PHF14: variants seen among roughly 807,000 people sequenced by gnomAD.
PHF14 encodes PHD finger protein 14.
Under a neutral mutation model 117.9 loss-of-function variants are expected in PHF14, and 55 were observed. The ratio of observed to expected loss-of-function variants is 0.47; its 90% CI spans 0.38 to 0.58. PHF14 has a LOEUF of 0.58. PHF14 is among the 20% of genes least tolerant of loss of function. The pLI is 0.00. For missense variants in PHF14, 978 were observed against 1,122.2 expected, an observed-to-expected ratio of 0.87 and a Z score of 1.84; for synonymous variants, 409 against 368.6, an observed-to-expected ratio of 1.11 and a Z score of -1.26.
chr7:10,979,112 AAATT>A (rs903252138), intron 2 of PHF14, among the ~76,000 whole-genome samples: 27 of 152,220 alleles, frequency 1.8e-4, no homozygotes, highest in African/African-American at 5.8e-4. Context: ...GCATAAAACT[AAATT>A]AAATCATATT....
chr7:11,001,063 A>G (rs113252395), intron 4 of PHF14, among the ~76,000 whole-genome samples: 4 of 152,014 alleles, frequency 2.6e-5, no homozygotes, highest in Non-Finnish European at 5.9e-5. Context: ...GTCTGAATTT[A>G]TTTTTGTTAC....
chr7:11,093,916 T>G (rs1282114033), intron 16 of PHF14, among the ~76,000 whole-genome samples: 1 of 152,146 alleles, frequency 6.6e-6, no homozygotes, highest in Non-Finnish European at 1.5e-5. Flanking sequence ...CTGTCACTCC[T>G]GTAGGAGTAG....
intron 4 of PHF14, among the ~76,000 whole-genome samples, chr7:11,007,114 A>C (rs565687089): frequency 2.0e-4 from 31 of 151,654 alleles, no homozygotes; most frequent in Non-Finnish European, 4.0e-4. Flanking sequence ...GAGGGCTTGA[A>C]CCCAGGAGGC....
At chr7:11,051,295 A>T (rs1483205) in intron 13 of PHF14, among the ~76,000 whole-genome samples, 88,981 of 151,746 alleles carry the variant, frequency 0.59, 28,006 homozygotes, top group East Asian at 0.85. Context: ...GGATTATGGG[A>T]GTGAGCCACT....
chr7:11,034,249 A>C (rs1784231338), intron 7 of PHF14, among the ~76,000 whole-genome samples: 1 of 152,046 alleles, frequency 6.6e-6, no homozygotes, highest in Non-Finnish European at 1.5e-5. Context: ...CTTTTGACAT[A>C]ACTTAGAGAA....
chr7:11,042,803 A>G lies in PHF14; in HGVS notation c.2301A>G (p.Lys767=), dbSNP rs1366620176. Residue 767 remains lysine (K), a synonymous_variant, in exon 13 of 18, where the codon AAA becomes AAG. Transcript: ENST00000634607. ...TTACAAGGATGCCAAGAAAGACCAA[A>G]AACAGTTATTGGTGAGTAAAATAGA... ...PPLTRMPRKT[K]NSYWQCSECD... is the part of the protein sequence containing the mutation. The G allele has an allele frequency of 2.5e-6, 4 of 1,575,374 alleles. No individual in the cohort carries two copies. The highest frequency in any genetic ancestry group is 3.5e-6 in the Non-Finnish European group (4 of 1,156,608).
chr7:11,142,232 T>C (rs935975060), intron 17 of PHF14, among the ~76,000 whole-genome samples: 45 of 152,196 alleles, frequency 3.0e-4, no homozygotes, highest in African/African-American at 1.0e-3. Context: ...AGATTTTTTA[T>C]TTTCTCAGTA....
intron 14 of PHF14, among the ~76,000 whole-genome samples, chr7:11,053,809 T>A (rs547558603): frequency 6.6e-6 from 1 of 152,200 alleles, no homozygotes; most frequent in Middle Eastern, 3.4e-3. Context: ...CTGCTTTTTT[T>A]ATCCTAGAAT....
At chr7:11,092,911 T>TC (rs1349924816) in intron 16 of PHF14, among the ~76,000 whole-genome samples, 2 of 152,198 alleles carry the variant, frequency 1.3e-5, no homozygotes, top group Non-Finnish European at 2.9e-5. Context: ...GGTGTTTTTT[T>TC]CCCCCTAATA....
At chr7:11,056,708 TTATGTA>T (rs1206130466) in intron 14 of PHF14, among the ~76,000 whole-genome samples, 63 of 150,798 alleles carry the variant, frequency 4.2e-4, no homozygotes, top group Admixed American at 3.6e-3. Context: ...TTTTTAGGAA[TTATGTA>T]TATGTATAAT....
At chr7:11,017,253 C>CG in intron 5 of PHF14, among the ~76,000 whole-genome samples, 1 of 151,692 alleles carries the variant, frequency 6.6e-6, no homozygotes, top group Middle Eastern at 3.4e-3. Context: ...TCCTTTCTTT[C>CG]GGATGTATAC....
At chr7:11,059,003 T>G (rs1000376311) in intron 14 of PHF14, among the ~76,000 whole-genome samples, 1 of 152,158 alleles carries the variant, frequency 6.6e-6, no homozygotes, top group Non-Finnish European at 1.5e-5. Flanking sequence ...CATGAATATA[T>G]CAGCGATTAC....
At chr7:11,115,485 A>G (rs1787570453) in intron 17 of PHF14, among the ~76,000 whole-genome samples, 1 of 152,060 alleles carries the variant, frequency 6.6e-6, no homozygotes, top group Non-Finnish European at 1.5e-5. Context: ...GTTGAGGTGC[A>G]TACTTAAGAT....
At chr7:11,099,173 T>C (rs892413377) in intron 16 of PHF14, among the ~76,000 whole-genome samples, 2 of 152,162 alleles carry the variant, frequency 1.3e-5, no homozygotes, top group Admixed American at 1.3e-4. Flanking sequence ...ATTTTTTCTA[T>C]AATTAAGTTG....
chr7:11,080,822 A>G (rs182717730), intron 16 of PHF14, among the ~76,000 whole-genome samples: 1 of 152,334 alleles, frequency 6.6e-6, no homozygotes, highest in East Asian at 1.9e-4. Flanking sequence ...CATCAAGCAC[A>G]AAGTCTTGAA....
chr7:11,093,354 C>T (rs1012369882), intron 16 of PHF14, among the ~76,000 whole-genome samples: 8 of 152,112 alleles, frequency 5.3e-5, no homozygotes, highest in African/African-American at 1.9e-4. Context: ...GAAAAGGGCA[C>T]ACCTGTTCTT....
At chr7:11,099,324 GTTT>G (rs1787000654) in intron 16 of PHF14, among the ~76,000 whole-genome samples, 1 of 151,766 alleles carries the variant, frequency 6.6e-6, no homozygotes, top group African/African-American at 2.4e-5. Flanking sequence ...AATATTTTTT[GTTT>G]ATGTTATAAA....
intron 16 of PHF14, chr7:11,103,607 A>C (rs1787164308): frequency 1.0e-6 from 1 of 983,172 alleles, no homozygotes; most frequent in South Asian, 4.7e-5. Context: ...GTAAATTGTC[A>C]ACATGTAATT....
At chr7:11,155,143 A>G (rs1583508409) in intron 17 of PHF14, among the ~76,000 whole-genome samples, 1 of 152,190 alleles carries the variant, frequency 6.6e-6, no homozygotes, top group Non-Finnish European at 1.5e-5. Flanking sequence ...TAGGCTCCTC[A>G]TATTTTATTT....
Sources: gnomAD v4.1 joint callset for allele counts (sites outside exome capture counted in the v4.1 genomes callset) on GRCh38, gnomAD v4.1.1 for gene constraint, MANE v1.5 for transcripts, NCBI Gene and HGNC (gene_info 2026-07-23, HGNC 2026-07-21) for gene names.